The following CCDC7 variants were observed in gnomAD, a reference collection of about 807,000 sequenced individuals.
CCDC7 encodes coiled-coil domain containing 7.
Under a neutral mutation model 196.9 loss-of-function variants are expected in CCDC7, and 183 were observed. That is an observed-to-expected ratio of 0.93 (90% CI 0.82 to 1.05). CCDC7 has a LOEUF of 1.05. Ranked by LOEUF, CCDC7 falls within the 50% of genes least tolerant of loss-of-function variation. The pLI is 0.00. For synonymous variants in CCDC7, 525 were observed against 484.6 expected (o/e 1.08, Z -1.10); for missense variants, 1,540 against 1,482.2 (o/e 1.04, Z -0.64).
At chr10:32,786,274 T>C (rs1001645899) in intron 29 of CCDC7, among the ~76,000 whole-genome samples, 3 of 152,144 alleles carry the variant, frequency 2.0e-5, no homozygotes, top group Non-Finnish European at 2.9e-5. Flanking sequence ...AAAAGAGCAA[T>C]ACCTGGGGAA....
chr10:32,561,662 G>A (rs1167623450), intron 13 of CCDC7, among the ~76,000 whole-genome samples: 3 of 152,140 alleles, frequency 2.0e-5, no homozygotes, highest in African/African-American at 7.2e-5. Flanking sequence ...TGTGTAGAGG[G>A]AAATTTATAG....
At chr10:32,493,903 A>C (rs1449903748) in intron 9 of CCDC7, among the ~76,000 whole-genome samples, 2 of 152,016 alleles carry the variant, frequency 1.3e-5, no homozygotes, top group Non-Finnish European at 2.9e-5. Context: ...GTTTTCTTGT[A>C]GTTGAGTTGA....
intron 21 of CCDC7, among the ~76,000 whole-genome samples, chr10:32,673,629 A>ATTTG (rs71027101): frequency 0.34 from 50,414 of 147,614 alleles, 9,222 homozygotes; most frequent in African/African-American, 0.5. Flanking sequence ...CCTTTACTGA[A>ATTTG]TTTATTAGTT....
intron 30 of CCDC7, among the ~76,000 whole-genome samples, chr10:32,809,759 A>G (rs1300960600): frequency 6.6e-6 from 1 of 152,188 alleles, no homozygotes; most frequent in East Asian, 1.9e-4. Flanking sequence ...GAGAAATAGG[A>G]ACACTTTTAC....
chr10:32,600,688 C>A (rs1451702917), intron 18 of CCDC7, among the ~76,000 whole-genome samples: 2 of 152,082 alleles, frequency 1.3e-5, no homozygotes, highest in East Asian at 1.9e-4. Context: ...TATTGCATAC[C>A]CAATAATGGT....
At chr10:32,675,301 GT>G (rs56787668) in intron 21 of CCDC7, among the ~76,000 whole-genome samples, 50,501 of 151,394 alleles carry the variant, frequency 0.33, 9,107 homozygotes, top group African/African-American at 0.48. Context: ...TTACCATAAA[GT>G]TAAAATTACA....
chr10:32,706,466 G>T (rs1180218835), intron 24 of CCDC7, among the ~76,000 whole-genome samples: 6 of 151,998 alleles, frequency 3.9e-5, no homozygotes, highest in African/African-American at 1.2e-4. Context: ...AAATAACTAA[G>T]ATCAGAGCAG....
chr10:32,708,827 G>A (rs951585173), intron 24 of CCDC7, among the ~76,000 whole-genome samples: 30 of 152,322 alleles, frequency 2.0e-4, no homozygotes, highest in African/African-American at 7.0e-4. Flanking sequence ...AACAACAGGT[G>A]CTGGAGAGGA....
chr10:32,826,635 G>T (rs1243049690), intron 32 of CCDC7, among the ~76,000 whole-genome samples: 5 of 152,210 alleles, frequency 3.3e-5, no homozygotes, highest in Admixed American at 1.3e-4. Flanking sequence ...CCCCAAGCCT[G>T]CACCAATGGC....
intron 18 of CCDC7, among the ~76,000 whole-genome samples, chr10:32,595,778 T>G (rs2060271896): frequency 6.6e-6 from 1 of 152,246 alleles, no homozygotes; most frequent in Admixed American, 6.5e-5. Context: ...ACATCTTTAT[T>G]TCTGCCTTCA....
chr10:32,858,233 A>C (rs544008412), intron 41 of CCDC7, among the ~76,000 whole-genome samples: 2 of 152,340 alleles, frequency 1.3e-5, no homozygotes, highest in East Asian at 3.9e-4. Flanking sequence ...AAGAATTATC[A>C]GTGCTTCTTA....
At chr10:32,484,605 C>T (rs1452000275) in intron 8 of CCDC7, among the ~76,000 whole-genome samples, 2 of 152,110 alleles carry the variant, frequency 1.3e-5, no homozygotes, top group South Asian at 2.1e-4. Context: ...CCAGTTTTTG[C>T]CCATTCAGTA....
intron 28 of CCDC7, among the ~76,000 whole-genome samples, chr10:32,740,850 C>CT (rs1203592717): frequency 1.3e-5 from 2 of 151,652 alleles, no homozygotes; most frequent in Non-Finnish European, 2.9e-5. Flanking sequence ...TTAAAGTAAC[C>CT]TTTTTTATCA....
chr10:32,807,332 G>A (rs2086046731), intron 30 of CCDC7, among the ~76,000 whole-genome samples: 2 of 152,048 alleles, frequency 1.3e-5, no homozygotes, highest in South Asian at 2.1e-4. Flanking sequence ...ATATAGACAT[G>A]TAGTATATTC....
chr10:32,454,835 C>G (rs1447068433), intron 2 of CCDC7, among the ~76,000 whole-genome samples: 1 of 152,172 alleles, frequency 6.6e-6, no homozygotes, highest in Non-Finnish European at 1.5e-5. Flanking sequence ...CCTGTCTTTC[C>G]CACTCAGTCT....
chr10:32,876,987 C>A (rs1237765241), downstream of CCDC7: 2 of 152,110 alleles, frequency 1.3e-5, no homozygotes, highest in East Asian at 3.9e-4. Flanking sequence ...GCAGAATATT[C>A]TTTTATGCCT....
At position 32,547,533 on chromosome 10, in the gene CCDC7, C is replaced by T. The variant is rs576003905; in HGVS notation, c.1134+3232C>T. Reference sequence around the variant, plus strand: ...GCTGGATTATTATATATAACATGACCCTAAGGGTGAAGGTCATGGGATTAT... The same window carrying T: ...GCTGGATTATTATATATAACATGACTCTAAGGGTGAAGGTCATGGGATTAT... On this transcript the variant is annotated intron_variant, in intron 13 of 41. Transcript: ENST00000639629. 2.6e-5 allele frequency among the ~76,000 whole-genome samples: 4 copies of T among 152,148 alleles called. No individual in the cohort carries two copies. In the South Asian group the frequency reaches 6.2e-4, roughly 24 times the overall value.
intron 18 of CCDC7, among the ~76,000 whole-genome samples, chr10:32,605,851 A>G (rs1218617631): frequency 6.6e-6 from 1 of 152,104 alleles, no homozygotes; most frequent in Non-Finnish European, 1.5e-5. Flanking sequence ...AGAAAAGAAA[A>G]GAAAAGAAAA....
chr10:32,746,802 A>G (rs994232730), intron 28 of CCDC7, among the ~76,000 whole-genome samples: 1 of 152,176 alleles, frequency 6.6e-6, no homozygotes, highest in Non-Finnish European at 1.5e-5. Context: ...ATTGTGCACT[A>G]ACTTTCAGCC....
Sources: gnomAD v4.1 joint callset for allele counts (sites outside exome capture counted in the v4.1 genomes callset) on GRCh38, gnomAD v4.1.1 for gene constraint, MANE v1.5 for transcripts, NCBI Gene and HGNC (gene_info 2026-07-23, HGNC 2026-07-21) for gene names.